Variants in CEP128 observed in about 807,000 individuals in gnomAD.
CEP128 encodes centrosomal protein 128kDa.
CEP128 carries 132 observed loss-of-function variants against 156.7 expected under a neutral mutation model. The observed-to-expected ratio is 0.84, with a 90% CI of 0.73 to 0.97. CEP128 has a LOEUF of 0.97. Among genes scored for constraint, CEP128 ranks in the 50% least tolerant of loss-of-function variants. The probability of loss-of-function intolerance (pLI) is 0.00; values close to 1 mark genes in which losing one functional copy is unlikely to be tolerated. For synonymous variants in CEP128, 469 were observed against 448.9 expected (o/e 1.04, Z -0.57); for missense variants, 1,252 against 1,281.9 (o/e 0.98, Z 0.36).
rs559381517 is a variant in CEP128 at position 80,853,937 on chromosome 14, T to C, written c.762+8820A>G. Reference sequence around the variant, plus strand: ...ATGCTGAAGCAACTGATGAGTCATATAAAAAGCAAATTAGATCCTTTCCTC... The same window carrying C: ...ATGCTGAAGCAACTGATGAGTCATACAAAAAGCAAATTAGATCCTTTCCTC... On this transcript the variant is annotated intron_variant, in intron 9 of 24. Transcript: ENST00000555265. 2.6e-5 allele frequency among the ~76,000 whole-genome samples: 4 copies of C among 151,660 alleles called. 1 individual carries two copies. Among genetic ancestry groups the C allele is most frequent in the South Asian group, 2.1e-4 (1 of 4,796 alleles).
At chr14:80,782,930 C>A (rs1173406584) in intron 15 of CEP128, among the ~76,000 whole-genome samples, 4 of 151,968 alleles carry the variant, frequency 2.6e-5, no homozygotes, top group African/African-American at 4.8e-5. Context: ...TTAGTAAATT[C>A]TTTCCTTAAA....
chr14:80,540,574 T>C (rs965374316), intron 21 of CEP128, among the ~76,000 whole-genome samples: 2 of 152,200 alleles, frequency 1.3e-5, no homozygotes, highest in Non-Finnish European at 2.9e-5. Context: ...AAATTCTGTA[T>C]TTAATTCTTA....
chr14:80,708,956 G>GTATTTGGGCCTATTTGGGGAGATTTTC (rs1163814882), intron 19 of CEP128, among the ~76,000 whole-genome samples: 6 of 151,744 alleles, frequency 4.0e-5, no homozygotes, highest in Non-Finnish European at 8.8e-5. Context: ...ATTTCCTTCA[G>GTATTTGGGCCTATTTGGGGAGATTTTC]TATTTGGGCC....
intron 9 of CEP128, among the ~76,000 whole-genome samples, chr14:80,843,976 C>T (rs1886470542): frequency 6.6e-6 from 1 of 151,994 alleles, no homozygotes; most frequent in South Asian, 2.1e-4. Context: ...GATTTTATTG[C>T]TCAGAACATG....
intron 19 of CEP128, among the ~76,000 whole-genome samples, chr14:80,674,660 T>C (rs954835553): frequency 1.3e-5 from 2 of 151,788 alleles, no homozygotes; most frequent in African/African-American, 4.9e-5. Context: ...TATGTATATA[T>C]GTATGTATAA....
chr14:80,955,569 C>A, intron 2 of CEP128: 1 of 1,357,342 alleles, frequency 7.4e-7, no homozygotes, highest in South Asian at 1.2e-5. Context: ...AGCCCTCCCT[C>A]TTCCCACCCC....
chr14:80,493,091 C>T (rs1887378904), downstream of CEP128, among the ~76,000 whole-genome samples: 3 of 152,084 alleles, frequency 2.0e-5, no homozygotes, highest in Admixed American at 2.0e-4. Context: ...TTAAGTAATG[C>T]CAGTCAAACT....
chr14:80,657,595 G>A (rs774463985), intron 19 of CEP128, among the ~76,000 whole-genome samples: 4 of 151,918 alleles, frequency 2.6e-5, no homozygotes, highest in African/African-American at 7.3e-5. Flanking sequence ...AGGTCATGGC[G>A]AGCAGAAATC....
chr14:80,906,344 A>G (rs866725942), intron 4 of CEP128, among the ~76,000 whole-genome samples: 7 of 152,344 alleles, frequency 4.6e-5, no homozygotes, highest in South Asian at 4.1e-4. Flanking sequence ...AGAGATGTCT[A>G]CTGTGTAAGG....
intron 9 of CEP128, among the ~76,000 whole-genome samples, chr14:80,858,981 C>G (rs1448271151): frequency 6.6e-6 from 1 of 151,990 alleles, no homozygotes; most frequent in Non-Finnish European, 1.5e-5. Context: ...TTGTGGAAGT[C>G]AGTGTGGCGA....
At chr14:80,510,084 C>T (rs1029139578) in intron 23 of CEP128, among the ~76,000 whole-genome samples, 5 of 152,014 alleles carry the variant, frequency 3.3e-5, no homozygotes, top group African/African-American at 9.7e-5. Context: ...TCTTTTTGCT[C>T]AGGATGGCTT....
chr14:80,800,427 C>G (rs1184242577), intron 13 of CEP128, among the ~76,000 whole-genome samples: 1 of 152,148 alleles, frequency 6.6e-6, no homozygotes, highest in Non-Finnish European at 1.5e-5. Context: ...TTTTACAGAT[C>G]AGGAAATTGA....
chr14:80,835,906 T>C (rs1886047795), intron 12 of CEP128, among the ~76,000 whole-genome samples: 1 of 152,188 alleles, frequency 6.6e-6, no homozygotes, highest in South Asian at 2.1e-4. Context: ...TGCACGTATA[T>C]TTGGGCATGG....
chr14:80,788,468 C>T (rs375972792), intron 14 of CEP128, among the ~76,000 whole-genome samples: 3 of 151,890 alleles, frequency 2.0e-5, no homozygotes, highest in Admixed American at 6.6e-5. Flanking sequence ...CAAACAGAAA[C>T]GAACAAAACT....
chr14:80,833,082 C>T (rs1019793005), intron 12 of CEP128, among the ~76,000 whole-genome samples: 1 of 152,066 alleles, frequency 6.6e-6, no homozygotes, highest in Non-Finnish European at 1.5e-5. Context: ...GCCCTACTTT[C>T]CCTACTTCTG....
chr14:80,909,371 TCACACA>T (rs36082524), intron 4 of CEP128, among the ~76,000 whole-genome samples: 18 of 142,432 alleles, frequency 1.3e-4, no homozygotes, highest in Admixed American at 3.5e-4. Context: ...AAGTGAATTT[TCACACA>T]CACACACACA....
At chr14:80,866,593 G>A (rs1272146166) in intron 8 of CEP128, among the ~76,000 whole-genome samples, 2 of 152,142 alleles carry the variant, frequency 1.3e-5, no homozygotes, top group African/African-American at 4.8e-5. Flanking sequence ...CCCTGCTAGA[G>A]AGCCTACCAA....
At chr14:80,878,436 A>G (rs2556608) in intron 8 of CEP128, among the ~76,000 whole-genome samples, 74,874 of 151,956 alleles carry the variant, frequency 0.49, 18,949 homozygotes, top group African/African-American at 0.57. Context: ...GTGGTATATT[A>G]CCATTCCTCA....
rs184876655 is a variant in CEP128 at position 80,791,702 on chromosome 14, G to A, written c.1560+1058C>T. ...TTACTTCAGGGCAACCAGCCACCCA[G>A]TATGTGTCAGATGGGTTAAAATGAA... On this transcript the variant is annotated intron_variant, in intron 14 of 24. Transcript: ENST00000555265. Among the ~76,000 whole-genome samples the A allele has an allele frequency of 2.6e-5, 4 of 152,296 alleles. No individual in the cohort carries two copies. In the East Asian group the frequency reaches 5.8e-4, roughly 22 times the overall value.
Sources: allele counts gnomAD v4.1 joint callset (sites outside exome capture counted in the v4.1 genomes callset), GRCh38; gene constraint gnomAD v4.1.1; transcripts MANE v1.5; gene names NCBI Gene and HGNC (gene_info 2026-07-23, HGNC 2026-07-21).